GALNT11: variants seen among roughly 807,000 people sequenced by gnomAD.
GALNT11 encodes the protein UDP-GalNAc:polypeptide N-acetylgalactosaminyltransferase 11.
GALNT11 carries 47 observed loss-of-function variants against 72.7 expected under a neutral mutation model. The ratio of observed to expected loss-of-function variants is 0.65; its 90% confidence interval spans 0.51 to 0.82. The LOEUF (loss-of-function observed/expected upper bound fraction) is 0.82, where lower values mean the gene tolerates loss of function less well. Ranked by LOEUF, GALNT11 falls within the 40% of genes least tolerant of loss-of-function variation. The pLI, the probability that GALNT11 is intolerant of heterozygous loss-of-function variation, is 0.00. For missense variants in GALNT11, 677 were observed against 778.4 expected (o/e 0.87, Z 1.55); for synonymous variants, 270 against 286.6 (o/e 0.94, Z 0.58).
intron 1 of GALNT11, among the ~76,000 whole-genome samples, chr7:152,033,621 G>A (rs1170974908): frequency 6.6e-6 from 1 of 152,200 alleles, no homozygotes; most frequent in African/African-American, 2.4e-5. Flanking sequence ...ACTTAAGGAA[G>A]GCAGAAGGAT....
chr7:152,098,677 G>A (rs1320918037), intron 2 of GALNT11, among the ~76,000 whole-genome samples: 1 of 152,034 alleles, frequency 6.6e-6, no homozygotes, highest in Admixed American at 6.5e-5. Flanking sequence ...AGTATTTATT[G>A]AGAATCTTCT....
chr7:152,074,169 T>C (rs1360948441), intron 1 of GALNT11: 1 of 152,260 alleles, frequency 6.6e-6, no homozygotes, highest in Non-Finnish European at 1.5e-5. Flanking sequence ...TGTTTGTTTT[T>C]GCTTTTGTTG....
In GALNT11 at chr7:152,118,683, T is replaced by TC. The variant is rs2089128656; in HGVS notation, c.1459dup (p.His487ProfsTer24). 6.2e-7 allele frequency: 1 copy of TC among 1,609,156 alleles called. No individual in the cohort carries two copies. The highest frequency in any genetic ancestry group is 1.7e-5 in the Admixed American group (1 of 59,196). The stretch of plus-strand genomic sequence containing the variant: ...AGCTGTGCCTTCTCTTACAGCTCTA[T>TC]CACCTCCAGACCAACAAATGCCTGG... On this transcript the variant is annotated frameshift_variant, in exon 10 of 12. Coordinates refer to ENST00000430044, the MANE Select transcript of GALNT11 (RefSeq NM_022087.4). LOFTEE classifies it high-confidence loss of function.
chr7:152,037,760 T>C (rs972198287), intron 1 of GALNT11, among the ~76,000 whole-genome samples: 1 of 151,460 alleles, frequency 6.6e-6, no homozygotes, highest in African/African-American at 2.5e-5. Context: ...TGTGCGTGCA[T>C]GTCTTCAATT....
intron 1 of GALNT11, among the ~76,000 whole-genome samples, chr7:152,030,959 CA>C (rs1397057091): frequency 6.6e-6 from 1 of 152,262 alleles, no homozygotes; most frequent in African/African-American, 2.4e-5. Context: ...GCACTGCATG[CA>C]ATAACTCCAT....
chr7:152,114,231 T>C (rs2088597282), intron 8 of GALNT11, among the ~76,000 whole-genome samples: 2 of 152,264 alleles, frequency 1.3e-5, no homozygotes, highest in South Asian at 4.1e-4. Flanking sequence ...GATTTTGGAA[T>C]ATTTTATCAC....
Position 152,067,508 on chromosome 7 carries a change from A to G in GALNT11, c.-38-26682A>G, listed in dbSNP as rs116237151. ...AATACAACTTTATTTTTTTGTTCAGATGATTGTCACAGCTACGGCTATTAC... is the reference window on the plus strand; with the variant it reads ...AATACAACTTTATTTTTTTGTTCAGGTGATTGTCACAGCTACGGCTATTAC... On this transcript the variant is annotated intron_variant, in intron 1 of 11. Coordinates refer to ENST00000430044, the MANE Select transcript of GALNT11 (RefSeq NM_022087.4). 3.6e-3 allele frequency among the ~76,000 whole-genome samples: 549 copies of G among 152,208 alleles called. 5 individuals are homozygous for G. The highest frequency in any genetic ancestry group is 0.013 in the African/African-American group (528 of 41,540).
intron 1 of GALNT11, among the ~76,000 whole-genome samples, chr7:152,035,423 AG>A (rs1456525946): frequency 1.4e-4 from 21 of 152,206 alleles, no homozygotes; most frequent in African/African-American, 5.1e-4. Flanking sequence ...CCAGGAGGCA[AG>A]GGTCAGGATA....
intron 1 of GALNT11, among the ~76,000 whole-genome samples, chr7:152,058,776 G>C (rs771783538): frequency 6.6e-6 from 1 of 152,166 alleles, no homozygotes; most frequent in Non-Finnish European, 1.5e-5. Flanking sequence ...CTAAAACCCT[G>C]CTGCTACTTT....
chr7:152,051,141 G>C (rs1563047442), intron 1 of GALNT11, among the ~76,000 whole-genome samples: 1 of 149,408 alleles, frequency 6.7e-6, no homozygotes. Flanking sequence ...AAGATGATTG[G>C]TGGAGGCTTC....
chr7:152,028,148 A>G (rs547872467), intron 1 of GALNT11, among the ~76,000 whole-genome samples: 9 of 152,356 alleles, frequency 5.9e-5, no homozygotes, highest in Admixed American at 2.0e-4. Context: ...AAGCTTCCAC[A>G]GCATGGAAGG....
chr7:152,120,569 T>C (rs192534544), intron 10 of GALNT11: 33 of 379,530 alleles, frequency 8.7e-5, no homozygotes, highest in African/African-American at 6.3e-4. Context: ...AACCCTAAAA[T>C]TGGAAAAGAG....
At chr7:152,028,841 G>A (rs2082168447) in intron 1 of GALNT11, among the ~76,000 whole-genome samples, 1 of 152,210 alleles carries the variant, frequency 6.6e-6, no homozygotes, top group South Asian at 2.1e-4. Context: ...GTTGGTCCAG[G>A]GGTCCTGGTA....
Position 152,061,774 on chromosome 7 carries a change from C to G in GALNT11, c.-38-32416C>G, listed in dbSNP as rs542923798. Among the ~76,000 whole-genome samples the G allele has an allele frequency of 2.6e-4, 40 of 152,294 alleles. 1 individual carries two copies. In the South Asian group the frequency reaches 8.1e-3, roughly 31 times the overall value. On this transcript the variant is annotated intron_variant, in intron 1 of 11. Coordinates refer to ENST00000430044, the MANE Select transcript of GALNT11 (RefSeq NM_022087.4). ...TGTTTTTGTCAGGTTTGTCAAAGAT[C>G]AGATGGTTATAGATGTGTGGTATTA...
In GALNT11 at chr7:152,057,468, G is replaced by A. The variant is rs575769338; in HGVS notation, c.-39+31584G>A. 4.0e-5 allele frequency among the ~76,000 whole-genome samples: 6 copies of A among 151,734 alleles called. No individual in the cohort carries two copies. The East Asian group carries it at 5.8e-4, about 15-fold the overall frequency. On this transcript the variant is annotated intron_variant, in intron 1 of 11. Coordinates refer to ENST00000430044, the MANE Select transcript of GALNT11 (RefSeq NM_022087.4). Reference sequence around the variant, plus strand: ...ATTACAGGCGCCTGCTACCATGCCCGGCTAAATTTTGTATTTTTAGTAGAG... The same window carrying A: ...ATTACAGGCGCCTGCTACCATGCCCAGCTAAATTTTGTATTTTTAGTAGAG...
At chr7:152,105,728 T>C (rs957491885) in intron 5 of GALNT11, among the ~76,000 whole-genome samples, 1 of 152,244 alleles carries the variant, frequency 6.6e-6, no homozygotes, top group African/African-American at 2.4e-5. Context: ...AAATTTAAAA[T>C]GTATGAACCC....
chr7:152,031,663 G>A (rs1234076920), intron 1 of GALNT11, among the ~76,000 whole-genome samples: 4 of 152,174 alleles, frequency 2.6e-5, no homozygotes, highest in Admixed American at 1.3e-4. Context: ...TGTCAGACAC[G>A]AGTCTGAGTA....
At chr7:152,038,903 G>A (rs1312223326) in intron 1 of GALNT11, among the ~76,000 whole-genome samples, 1 of 152,188 alleles carries the variant, frequency 6.6e-6, no homozygotes, top group African/African-American at 2.4e-5. Context: ...AATATCCAAA[G>A]ACAAGTTTGT....
intron 1 of GALNT11, among the ~76,000 whole-genome samples, chr7:152,048,448 TC>T (rs772487141): frequency 2.2e-4 from 34 of 152,116 alleles, no homozygotes; most frequent in South Asian, 1.7e-3. Flanking sequence ...TTTGGGATGT[TC>T]TTTGTTATTG....
Sources: allele counts gnomAD v4.1 joint callset (sites outside exome capture counted in the v4.1 genomes callset), GRCh38; gene constraint gnomAD v4.1.1; transcripts MANE v1.5; gene names NCBI Gene and HGNC (gene_info 2026-07-23, HGNC 2026-07-21).